APOB: variants seen among roughly 807,000 people sequenced by gnomAD.
APOB encodes apolipoprotein B.
In APOB, 153 loss-of-function variants were observed where a neutral mutation model predicts 314.1. The ratio of observed to expected loss-of-function variants is 0.49; its 90% CI spans 0.43 to 0.56. The LOEUF (loss-of-function observed/expected upper bound fraction) is 0.56. APOB is among the 20% of genes least tolerant of loss of function. The pLI, the probability that APOB is intolerant of heterozygous loss-of-function variation, is 0.00. For missense variants in APOB, 5,430 were observed against 5,350.7 expected, an observed-to-expected ratio of 1.01 and a Z score of -0.46; for synonymous variants, 2,087 against 2,036.4, an observed-to-expected ratio of 1.02 and a Z score of -0.67.
At chr2:21,022,749 T>C in intron 18 of APOB, 82 bp downstream of exon 18, 1 of 1,322,658 alleles carries the variant, frequency 7.6e-7, no homozygotes, top group Non-Finnish European at 1.1e-6. Context: ...CTCAATCAAC[T>C]GTTTAGCCTG....
At position 21,006,747 on chromosome 2, in the gene APOB, A is replaced by G. The variant is rs147052564; in HGVS notation, c.10121T>C (p.Ile3374Thr). 26 of 1,613,990 alleles carry G rather than the reference A, an allele frequency of 1.6e-5. No individual in the cohort carries two copies. The highest frequency in any genetic ancestry group is 2.0e-5 in the Non-Finnish European group (24 of 1,179,972). ...CTCTAATTTGTACTGCAGTGCATCA[A>G]TGACAGATGAAGATGAAGAAAGGAG... ...AHLLSSSSSVIDALQYKLEGT... is the reference protein window; with the variant it reads ...AHLLSSSSSVTDALQYKLEGT... Residue 3374 changes from isoleucine to threonine, a missense_variant, in exon 26 of 29, where the codon ATT (isoleucine) becomes ACT (threonine). Around this residue, in one of 3 missense-constraint regions of APOB, gnomAD observed 3,281 missense variants for 3,171.0 expected, o/e 1.03. Coordinates refer to ENST00000233242, the MANE Select transcript of APOB (RefSeq NM_000384.3).
chr2:21,007,811 C>T lies in APOB; in HGVS notation c.9057G>A (p.Gly3019=), dbSNP rs748062412. ...TTCCATTTAAATGAGCATCATGCCTCCCAGTAAACTCTGCCTTCCCTTCTC... is the reference window on the plus strand; with the variant it reads ...TTCCATTTAAATGAGCATCATGCCTTCCAGTAAACTCTGCCTTCCCTTCTC... ...LFGEGKAEFT[G]RHDAHLNGKV... Residue 3019 remains glycine (G), a synonymous_variant, in exon 26 of 29, where the codon GGG becomes GGA. Transcript: ENST00000233242. The T allele has an allele frequency of 4.3e-6, 7 of 1,614,090 alleles. No homozygotes were observed. In the East Asian group the frequency reaches 6.7e-5, roughly 15 times the overall value.
rs6729524 is a variant in APOB, at chr2:21,038,261, C to T, written c.384-150G>A. ...TATTTGTAAATATAGAATATAGCTA[C>T]ACATAGACATACATTTTCAAAAAAG... On this transcript the variant is annotated intron_variant, in intron 4 of 28. Coordinates refer to ENST00000233242, the MANE Select transcript of APOB (RefSeq NM_000384.3). 9.9e-3 allele frequency: 8,289 copies of T among 836,758 alleles called. 430 individuals are homozygous for T. In the African/African-American group the frequency reaches 0.12, roughly 12 times the overall value. 51.8% of individuals were successfully genotyped at this position (836,758 alleles called of 1,614,324 possible).
At position 21,004,292 on chromosome 2, in the gene APOB, A is replaced by C; in HGVS notation, c.12064T>G (p.Trp4022Gly). ...DMDEDDDFSK[W>G]NFYYSPQSSP... ...ACCTGAGGGCTGTAGTAGAAGTTCC[A>C]TTTAGAAAAGTCGTCATCTTCATCC... Residue 4022 changes from tryptophan to glycine, a missense_variant, in exon 28 of 29, where the codon TGG becomes GGG. Transcript: ENST00000233242. The C allele has an allele frequency of 6.2e-7, 1 of 1,613,952 alleles. No individual in the cohort carries two copies. Among genetic ancestry groups the C allele is most frequent in the Non-Finnish European group, 8.5e-7 (1 of 1,179,884 alleles).
rs1047268744 is a variant in APOB, at chr2:21,035,719, G to T, written c.694-11C>A. 1 of 1,613,784 alleles carries T rather than the reference G, an allele frequency of 6.2e-7. No homozygotes were observed. The highest frequency in any genetic ancestry group is 1.7e-5 in the Admixed American group (1 of 60,012). The stretch of plus-strand genomic sequence containing the variant: ...TGACAAGGGGCGGGTCTATGAAAGA[G>T]ATTGGAGACGAGCATTTTGATCAGT... On this transcript the variant is annotated splice_polypyrimidine_tract_variant and intron_variant, in intron 6 of 28. Coordinates refer to ENST00000233242, the MANE Select transcript of APOB (RefSeq NM_000384.3).
intron 20 of APOB, among the ~76,000 whole-genome samples, chr2:21,016,913 G>A (rs1018271414): frequency 6.6e-6 from 1 of 151,994 alleles, no homozygotes; most frequent in Non-Finnish European, 1.5e-5. Flanking sequence ...GAACCCGGGA[G>A]GCGGGGCTTG....
chr2:21,004,729 G>A, intron 26 of APOB, 54 bp from the exon 27 acceptor site: 2 of 1,358,086 alleles, frequency 1.5e-6, no homozygotes, highest in South Asian at 1.2e-5. Context: ...GGACGTTGAT[G>A]TTTTCATTGT....
In APOB at chr2:21,006,670, A is replaced by T. The variant is rs1360950692; in HGVS notation, c.10198T>A (p.Ser3400Thr). The stretch of plus-strand genomic sequence containing the variant: ...CCCTCCACAAATTTGTTGCTCAGAG[A>T]CAGAGCTGTGGCTAACTTCAATCCC... ...KRGLKLATAL[S>T]LSNKFVEGSH... Residue 3400 changes from serine to threonine, a missense_variant, in exon 26 of 29, where the codon TCT (serine) becomes ACT (threonine). Ser to Thr is a moderately conservative substitution (Grantham distance 58, BLOSUM62 1). This residue lies in a region of APOB where 3,281 missense variants were observed against 3,171.0 expected (regional missense o/e 1.03). Coordinates refer to ENST00000233242, the MANE Select transcript of APOB (RefSeq NM_000384.3). 1 of 1,614,112 alleles carries T rather than the reference A, an allele frequency of 6.2e-7. No homozygotes were observed. The highest frequency in any genetic ancestry group is 2.2e-5 in the East Asian group (1 of 44,882).
At chr2:21,020,436 A>C (rs1434981840) in intron 18 of APOB, among the ~76,000 whole-genome samples, 1 of 152,104 alleles carries the variant, frequency 6.6e-6, no homozygotes, top group Non-Finnish European at 1.5e-5. Context: ...ACTTCCTCCC[A>C]ATGTGCTCTG....
At chr2:21,023,093 T>A (rs781596140) in intron 17 of APOB, 51 bp from the exon 18 acceptor site, 1 of 1,527,018 alleles carries the variant, frequency 6.5e-7, no homozygotes, top group Non-Finnish European at 9.1e-7. Flanking sequence ...TTCAGTCCCC[T>A]GTCAGTCAGA....
chr2:21,043,662 C>G (rs1326897445), intron 1 of APOB, 111 bp from the exon 2 acceptor site: 1 of 1,512,274 alleles, frequency 6.6e-7, no homozygotes, highest in Non-Finnish European at 9.0e-7. Context: ...GGGAGGCAGG[C>G]TCCGGAGACC....
At chr2:21,024,814 T>C (rs1238871692) in intron 16 of APOB, 119 bp downstream of exon 16, 3 of 1,064,524 alleles carry the variant, frequency 2.8e-6, no homozygotes, top group African/African-American at 1.5e-5. Flanking sequence ...CCTCCATCTC[T>C]GAAGAAAGTA....
intron 4 of APOB, 57 bp downstream of exon 4, chr2:21,040,881 A>C: frequency 6.2e-7 from 1 of 1,600,330 alleles, no homozygotes; most frequent in Non-Finnish European, 8.5e-7. Context: ...CAAACACACA[A>C]GTTCATACCT....
Position 21,019,892 on chromosome 2 carries a change from A to G in APOB, c.2830T>C (p.Leu944=), listed in dbSNP as rs376866376. The change falls in exon 19 of 29, where the codon TTG becomes CTG. Residue 944 remains leucine (L), a synonymous_variant. Transcript: ENST00000233242. The stretch of plus-strand genomic sequence containing the variant: ...ACCTCCGTTTTGGTGGTAGAGACCA[A>G]ATGTAATGTGTTGCTGGTGAAGAAC... The part of the protein sequence containing the change: ...KLLSGGNTLH[L]VSTTKTEVIP... 59 of 1,614,078 alleles carry G rather than the reference A, an allele frequency of 3.7e-5. No homozygotes were observed. Among genetic ancestry groups the G allele is most frequent in the Non-Finnish European group, 4.9e-5 (58 of 1,180,038 alleles).
At chr2:21,030,538 C>T (rs1663847275) in intron 10 of APOB, among the ~76,000 whole-genome samples, 1 of 151,998 alleles carries the variant, frequency 6.6e-6, no homozygotes. Context: ...GGACATTGGC[C>T]TAGACAAAGA....
chr2:21,043,831 C>T (rs1187363038), intron 1 of APOB, 33 bp downstream of exon 1: 5 of 1,533,390 alleles, frequency 3.3e-6, no homozygotes, highest in Admixed American at 3.9e-5. Flanking sequence ...CCCTCCCGCT[C>T]CCTCTGCGCC....
chr2:21,008,634 T>C lies in APOB; in HGVS notation c.8234A>G (p.His2745Arg). 3 of 1,614,038 alleles carry C rather than the reference T, an allele frequency of 1.9e-6. No homozygotes were observed. The highest frequency in any genetic ancestry group is 1.7e-5 in the Admixed American group (1 of 60,000). Residue 2745 changes from histidine (H) to arginine (R), a missense_variant, in exon 26 of 29, where the codon CAC (histidine) becomes CGC (arginine). This residue lies in a region of APOB where 3,281 missense variants were observed against 3,171.0 expected (regional missense o/e 1.03). Coordinates refer to ENST00000233242, the MANE Select transcript of APOB (RefSeq NM_000384.3). The part of the protein sequence containing the change: ...DLHIPEFQLP[H>R]ISHTIEVPTF... ...AGGTACTTCAATTGTGTGTGAGATG[T>C]GGGGAAGCTGGAATTCTGGTATGTG...
rs1248356858 is a variant in APOB at position 21,007,113 on chromosome 2, G to A, written c.9755C>T (p.Thr3252Ile). ...CACTTCAACATTGACAACTGGAACA[G>A]TGTATCCAGGAATTTGAAAGGTCCT... ...LPRTFQIPGY[T>I]VPVVNVEVSP... is the part of the protein sequence containing the mutation. Residue 3252 changes from threonine (T) to isoleucine (I), a missense_variant, in exon 26 of 29, where the codon ACT (threonine) becomes ATT (isoleucine). This residue lies in a region of APOB where 3,281 missense variants were observed against 3,171.0 expected (regional missense o/e 1.03). Coordinates refer to ENST00000233242, the MANE Select transcript of APOB (RefSeq NM_000384.3). The A allele has an allele frequency of 6.2e-7, 1 of 1,613,920 alleles. No individual in the cohort carries two copies. The highest frequency in any genetic ancestry group is 8.5e-7 in the Non-Finnish European group (1 of 1,179,952).
chr2:21,019,753 G>A lies in APOB; in HGVS notation c.2969C>T (p.Ala990Val). 6.2e-7 allele frequency: 1 copy of A among 1,614,192 alleles called. No individual in the cohort carries two copies. Among genetic ancestry groups the A allele is most frequent in the Non-Finnish European group, 8.5e-7 (1 of 1,180,032 alleles). The change falls in exon 19 of 29, where the codon GCC becomes GTC. Residue 990 changes from alanine to valine, a missense_variant. This residue lies in a region of APOB where 2,085 missense variants were observed against 2,079.7 expected (regional missense o/e 1.00). Coordinates refer to ENST00000233242, the MANE Select transcript of APOB (RefSeq NM_000384.3). Reference sequence around the variant, plus strand: ...GTCCCCGGTCAGCGGATAGTAGGAGGCGGAGTCTGTGGAGCTGGCGTTGGA... The same window carrying A: ...GTCCCCGGTCAGCGGATAGTAGGAGACGGAGTCTGTGGAGCTGGCGTTGGA... ...AYSNASSTDS[A>V]SYYPLTGDTR... is the part of the protein sequence containing the mutation.
Sources: gnomAD v4.1 joint callset for allele counts (sites outside exome capture counted in the v4.1 genomes callset) on GRCh38, gnomAD v4.1.1 for gene constraint, gnomAD v4.1.1 regional missense constraint, MANE v1.5 for transcripts, NCBI Gene and HGNC (gene_info 2026-07-23, HGNC 2026-07-21) for gene names.